MACROD2: variants seen among roughly 807,000 people sequenced by gnomAD.
MACROD2 encodes mono-ADP ribosylhydrolase 2, also known as ADP-ribose glycohydrolase MACROD2.
MACROD2 carries 36 observed loss-of-function variants against 70.4 expected under a neutral mutation model. The observed-to-expected ratio is 0.51, with a 90% CI of 0.39 to 0.68. The LOEUF (loss-of-function observed/expected upper bound fraction) is 0.68, where lower values mean the gene tolerates loss of function less well. Among genes scored for constraint, MACROD2 ranks in the 30% least tolerant of loss-of-function variants. The pLI is 0.00. For synonymous variants in MACROD2, 172 were observed against 178.8 expected, an observed-to-expected ratio of 0.96 and a Z score of 0.30; for missense variants, 496 against 538.4, an observed-to-expected ratio of 0.92 and a Z score of 0.78.
chr20:15,409,976 G>A (rs2046054711), intron 6 of MACROD2, among the ~76,000 whole-genome samples: 1 of 152,144 alleles, frequency 6.6e-6, no homozygotes. Flanking sequence ...ATATTAAACT[G>A]GCTGCCAACA....
At chr20:15,021,202 GTGTA>G (rs1476271643) in intron 5 of MACROD2, among the ~76,000 whole-genome samples, 1 of 108,312 alleles carries the variant, frequency 9.2e-6, no homozygotes, top group Non-Finnish European at 1.9e-5. Context: ...ACACACCTGT[GTGTA>G]TGTATACACA....
chr20:14,241,929 A>T (rs907562030), intron 3 of MACROD2, among the ~76,000 whole-genome samples: 3 of 152,184 alleles, frequency 2.0e-5, no homozygotes, highest in Non-Finnish European at 4.4e-5. Flanking sequence ...AATGCTAGGG[A>T]CCTATAGTAG....
chr20:15,175,543 A>C (rs1352157389), intron 5 of MACROD2, among the ~76,000 whole-genome samples: 1 of 152,158 alleles, frequency 6.6e-6, no homozygotes, highest in Non-Finnish European at 1.5e-5. Flanking sequence ...CACTACTTAA[A>C]ATGTTTAGTT....
Position 15,429,966 on chromosome 20 carries a change from C to T in MACROD2, c.541-1439C>T, listed in dbSNP as rs1261715647. On this transcript the variant is annotated intron_variant, in intron 6 of 17. Transcript: ENST00000684519. ...TGAGTCTTCAATGAATTATTCTACT[C>T]TCTATGTCCATGTGTACTCATTTTT... 2.0e-5 allele frequency among the ~76,000 whole-genome samples: 3 copies of T among 152,022 alleles called. No homozygotes were observed. In the East Asian group the frequency reaches 5.8e-4, roughly 29 times the overall value.
At chr20:14,955,080 A>C (rs1196854925) in intron 5 of MACROD2, among the ~76,000 whole-genome samples, 1 of 123,140 alleles carries the variant, frequency 8.1e-6, no homozygotes, top group East Asian at 2.3e-4. Flanking sequence ...TAAATATTTA[A>C]TGTATTAAAT....
intron 8 of MACROD2, among the ~76,000 whole-genome samples, chr20:15,854,195 A>G (rs1268941607): frequency 2.0e-5 from 3 of 152,220 alleles, no homozygotes; most frequent in African/African-American, 4.8e-5. Context: ...AATTACAAAC[A>G]GGTGGACTTG....
At chr20:15,887,661 T>C (rs2064838887) in intron 10 of MACROD2, among the ~76,000 whole-genome samples, 1 of 152,164 alleles carries the variant, frequency 6.6e-6, no homozygotes, top group South Asian at 2.1e-4. Context: ...TCTAATGCTG[T>C]CTAGTAGAAA....
At chr20:15,160,912 T>C (rs1160155415) in intron 5 of MACROD2, among the ~76,000 whole-genome samples, 1 of 152,096 alleles carries the variant, frequency 6.6e-6, no homozygotes, top group Non-Finnish European at 1.5e-5. Flanking sequence ...ATTATTTTGA[T>C]TATTTTTTTT....
At chr20:15,963,253 G>A (rs867997763) in intron 12 of MACROD2, among the ~76,000 whole-genome samples, 56 of 152,190 alleles carry the variant, frequency 3.7e-4, no homozygotes, top group Non-Finnish European at 1.5e-4. Flanking sequence ...ACTATTTTAT[G>A]TGTAGGTTTT....
chr20:14,480,227 G>A lies in MACROD2; in HGVS notation c.272-13252G>A, dbSNP rs748729179. On this transcript the variant is annotated intron_variant, in intron 3 of 17. Coordinates refer to ENST00000684519, the MANE Select transcript of MACROD2 (RefSeq NM_001351661.2). ...ACTTACCTGTTTATTTCCAGCAATC[G>A]TTCCAGAACAGCCACAAACAGTGAC... 9.6e-4 allele frequency among the ~76,000 whole-genome samples: 146 copies of A among 152,038 alleles called. 4 individuals carry two copies. The highest frequency in any genetic ancestry group is 9.0e-4 in the Non-Finnish European group (61 of 68,018).
At chr20:14,980,534 G>A (rs775265398) in intron 5 of MACROD2, among the ~76,000 whole-genome samples, 8 of 152,170 alleles carry the variant, frequency 5.3e-5, no homozygotes, top group South Asian at 4.1e-4. Context: ...ACGCCCTACA[G>A]GTGGATATAA....
chr20:14,761,318 T>C lies in MACROD2; in HGVS notation c.418+76359T>C, dbSNP rs1380214917. 2.0e-5 allele frequency among the ~76,000 whole-genome samples: 3 copies of C among 152,142 alleles called. 1 individual carries two copies. The East Asian group carries it at 5.8e-4, about 29-fold the overall frequency. The stretch of plus-strand genomic sequence containing the variant: ...AATCAACAGTTGCTGAGGACTGGCT[T>C]TCTTTCTCCATGCAACCTCCTGAAA... On this transcript the variant is annotated intron_variant, in intron 5 of 17. Transcript: ENST00000684519.
intron 4 of MACROD2, among the ~76,000 whole-genome samples, chr20:14,633,381 T>C (rs1197020967): frequency 1.3e-5 from 2 of 152,190 alleles, no homozygotes; most frequent in Non-Finnish European, 2.9e-5. Flanking sequence ...CCTACTCTGG[T>C]AATCTTTATT....
At chr20:14,691,686 T>A (rs769539139) in intron 5 of MACROD2, among the ~76,000 whole-genome samples, 6 of 152,144 alleles carry the variant, frequency 3.9e-5, no homozygotes, top group Non-Finnish European at 7.4e-5. Flanking sequence ...GTGACCTGAT[T>A]TCAGCCATCG....
At chr20:15,754,617 C>T (rs1194682922) in intron 8 of MACROD2, among the ~76,000 whole-genome samples, 1 of 148,910 alleles carries the variant, frequency 6.7e-6, no homozygotes, top group Non-Finnish European at 1.5e-5. Context: ...TAGAGCAAGA[C>T]TCTGTCTCTA....
At chr20:14,897,741 G>A (rs2122537133) in intron 5 of MACROD2, among the ~76,000 whole-genome samples, 1 of 152,260 alleles carries the variant, frequency 6.6e-6, no homozygotes, top group Admixed American at 6.5e-5. Flanking sequence ...CCATAGACTA[G>A]GTGGCATATA....
At chr20:15,150,154 T>A (rs1183379039) in intron 5 of MACROD2, among the ~76,000 whole-genome samples, 1 of 151,878 alleles carries the variant, frequency 6.6e-6, no homozygotes, top group Non-Finnish European at 1.5e-5. Context: ...GAGGAAGAAA[T>A]TTGGGCTTGA....
chr20:15,698,675 GC>G (rs2050412036), intron 8 of MACROD2, among the ~76,000 whole-genome samples: 1 of 152,112 alleles, frequency 6.6e-6, no homozygotes. Context: ...CGTTTTCCAA[GC>G]TTTGAGAATT....
chr20:14,978,385 C>CT (rs1308516627), intron 5 of MACROD2, among the ~76,000 whole-genome samples: 10 of 97,004 alleles, frequency 1.0e-4, no homozygotes, highest in Admixed American at 1.0e-3. Flanking sequence ...GCCCCCCCCA[C>CT]TTTTTTTAAG....
Sources: allele counts gnomAD v4.1 joint callset (sites outside exome capture counted in the v4.1 genomes callset), GRCh38; gene constraint gnomAD v4.1.1; transcripts MANE v1.5; gene names NCBI Gene and HGNC (gene_info 2026-07-23, HGNC 2026-07-21).